Variants in DOCK2 observed in about 807,000 individuals in gnomAD.
DOCK2 encodes dedicator of cytokinesis 2, also known as dedicator of cytokinesis protein 2.
A neutral mutation model predicts 248.9 loss-of-function variants in DOCK2; 87 were observed. That is an observed-to-expected ratio of 0.35 (90% CI 0.29 to 0.42). The LOEUF is 0.42. Ranked by LOEUF, DOCK2 falls within the 10% of genes least tolerant of loss-of-function variation. The pLI is 1.00. For missense variants in DOCK2, 1,747 were observed against 2,300.2 expected, an observed-to-expected ratio of 0.76 and a Z score of 4.92; for synonymous variants, 805 against 821.6, an observed-to-expected ratio of 0.98 and a Z score of 0.35.
At chr5:169,883,489 T>C (rs1772788507) in intron 27 of DOCK2, 1 of 1,551,618 alleles carries the variant, frequency 6.4e-7, no homozygotes, top group East Asian at 2.4e-5. Context: ...TTCAGAGAGG[T>C]TACCGTTGAC....
chr5:169,838,751 G>C (rs1172605796), intron 26 of DOCK2, among the ~76,000 whole-genome samples: 2 of 152,138 alleles, frequency 1.3e-5, no homozygotes, highest in African/African-American at 2.4e-5. Flanking sequence ...TCTAACAAAA[G>C]CTCCAGTGGC....
At chr5:170,060,265 G>A (rs1371423943) in intron 44 of DOCK2, among the ~76,000 whole-genome samples, 2 of 152,118 alleles carry the variant, frequency 1.3e-5, no homozygotes, top group Non-Finnish European at 2.9e-5. Context: ...TGTTAGATAA[G>A]GACTGTATAT....
chr5:170,028,765 A>G lies in DOCK2; in HGVS notation c.3467+817A>G, dbSNP rs1000521773. Among the ~76,000 whole-genome samples the G allele has an allele frequency of 8.9e-4, 117 of 132,138 alleles. No individual in the cohort carries two copies. In the South Asian group the frequency reaches 0.012, roughly 13 times the overall value. The allele number at this position is 132,138 out of a possible 152,430, so 86.7% of individuals were successfully genotyped here. A position where few individuals can be genotyped will look rare whatever the true frequency, so the allele number is the denominator to read the frequency against. On this transcript the variant is annotated intron_variant, in intron 34 of 51. Coordinates refer to ENST00000520908, the MANE Select transcript of DOCK2 (RefSeq NM_004946.3). The stretch of plus-strand genomic sequence containing the variant: ...AACACACACACACACACACACACAC[A>G]CACGCGTGCGCACACACACCCAAAC...
intron 26 of DOCK2, among the ~76,000 whole-genome samples, chr5:169,824,548 G>T (rs981401312): frequency 3.3e-5 from 5 of 152,316 alleles, no homozygotes; most frequent in African/African-American, 1.2e-4. Flanking sequence ...AATAAATGGT[G>T]CTGGGAAAAC....
At chr5:170,018,773 G>A (rs1198182734) in intron 32 of DOCK2, among the ~76,000 whole-genome samples, 187 bp from the exon 33 acceptor site, 5 of 152,188 alleles carry the variant, frequency 3.3e-5, no homozygotes, top group Non-Finnish European at 7.3e-5. Flanking sequence ...TAATGCATGC[G>A]CTCTAACGGG....
chr5:169,865,521 G>C (rs572293504), intron 27 of DOCK2, among the ~76,000 whole-genome samples: 11 of 152,288 alleles, frequency 7.2e-5, no homozygotes, highest in African/African-American at 2.6e-4. Flanking sequence ...GCTGAGCACG[G>C]GTTCCCTCTG....
intron 27 of DOCK2, among the ~76,000 whole-genome samples, chr5:169,901,336 A>G (rs1022370448): frequency 6.6e-6 from 1 of 152,146 alleles, no homozygotes; most frequent in South Asian, 2.1e-4. Context: ...GTTAGGCAGG[A>G]GTGATGATAT....
chr5:170,068,984 TCAGTCTCTC>T (rs1757587845), intron 45 of DOCK2, among the ~76,000 whole-genome samples, 144 bp from the exon 46 acceptor site: 2 of 152,196 alleles, frequency 1.3e-5, no homozygotes, highest in African/African-American at 4.8e-5. Context: ...TAAAACAATG[TCAGTCTCTC>T]CAGACCTGTT....
chr5:169,857,707 C>A (rs1270947798), intron 27 of DOCK2, among the ~76,000 whole-genome samples: 2 of 148,606 alleles, frequency 1.3e-5, no homozygotes, highest in Non-Finnish European at 3.0e-5. Flanking sequence ...TTTGAGAAGA[C>A]TGGTTATTTG....
intron 23 of DOCK2, among the ~76,000 whole-genome samples, chr5:169,754,480 C>T (rs989741686): frequency 1.3e-5 from 2 of 152,156 alleles, no homozygotes; most frequent in African/African-American, 4.8e-5. Flanking sequence ...GTTGGCCATT[C>T]TTGCAACCCC....
intron 32 of DOCK2, among the ~76,000 whole-genome samples, chr5:170,009,821 C>T (rs775788354): frequency 6.6e-5 from 10 of 152,156 alleles, no homozygotes; most frequent in Non-Finnish European, 1.5e-4. Flanking sequence ...GATCAGTCTG[C>T]GTTCTGTGGT....
At chr5:169,932,081 A>C (rs1775781183) in intron 27 of DOCK2, among the ~76,000 whole-genome samples, 1 of 152,206 alleles carries the variant, frequency 6.6e-6, no homozygotes, top group South Asian at 2.1e-4. Context: ...GTAAACAAAG[A>C]AGATACAACA....
rs550065696 is a variant in DOCK2 at position 169,870,756 on chromosome 5, C to T, written c.2799+29904C>T. Among the ~76,000 whole-genome samples, 80 of 151,998 alleles carry T rather than the reference C, an allele frequency of 5.3e-4. 1 individual carries two copies. Among genetic ancestry groups the T allele is most frequent in the African/African-American group, 1.9e-3 (78 of 41,474 alleles). ...GTTTTTATTTTATCCTCATGATAGCCCAGGAAGATAGGAAGGTTGTTGCCC... is the reference window on the plus strand; with the variant it reads ...GTTTTTATTTTATCCTCATGATAGCTCAGGAAGATAGGAAGGTTGTTGCCC... On this transcript the variant is annotated intron_variant, in intron 27 of 51. Transcript: ENST00000520908.
chr5:169,667,758 C>CA (rs1349101706), intron 2 of DOCK2, among the ~76,000 whole-genome samples: 1 of 152,068 alleles, frequency 6.6e-6, no homozygotes, highest in African/African-American at 2.4e-5. Flanking sequence ...TAAGACAAAA[C>CA]AAAAAATGTC....
chr5:169,747,523 A>G lies in DOCK2; in HGVS notation c.2376+19A>G. On this transcript the variant is annotated intron_variant, in intron 23 of 51. Coordinates refer to ENST00000520908, the MANE Select transcript of DOCK2 (RefSeq NM_004946.3). ...TTTGCAGGTTGGTTTATGCTACAAT[A>G]AAATCTATCTTCTCCTTGGCCATCC... 1 of 1,593,428 alleles carries G rather than the reference A, an allele frequency of 6.3e-7. No homozygotes were observed. Among genetic ancestry groups the G allele is most frequent in the Middle Eastern group, 1.7e-4 (1 of 5,982 alleles).
chr5:169,834,425 C>T (rs371475134), intron 26 of DOCK2, among the ~76,000 whole-genome samples: 30 of 2,718 alleles, frequency 0.011, no homozygotes, highest in Admixed American at 0.021. Flanking sequence ...ACAAGCCCTA[C>T]TCACATGCTC....
At chr5:169,926,924 G>T (rs375492940) in intron 27 of DOCK2, among the ~76,000 whole-genome samples, 1 of 152,218 alleles carries the variant, frequency 6.6e-6, no homozygotes, top group Non-Finnish European at 1.5e-5. Context: ...ACAAGGAGCA[G>T]AATAGGGAAG....
At chr5:169,837,590 A>T (rs1769672379) in intron 26 of DOCK2, among the ~76,000 whole-genome samples, 1 of 151,928 alleles carries the variant, frequency 6.6e-6, no homozygotes, top group Non-Finnish European at 1.5e-5. Flanking sequence ...CTATATACCA[A>T]CCCCCAGTAT....
At chr5:169,834,655 A>G (rs530122835) in intron 26 of DOCK2, among the ~76,000 whole-genome samples, 52 of 148,610 alleles carry the variant, frequency 3.5e-4, no homozygotes, top group South Asian at 1.1e-3. Flanking sequence ...CTCACAGACC[A>G]CAAGTCCTAC....
Sources: allele counts gnomAD v4.1 joint callset (sites outside exome capture counted in the v4.1 genomes callset), GRCh38; gene constraint gnomAD v4.1.1; transcripts MANE v1.5; gene names NCBI Gene and HGNC (gene_info 2026-07-23, HGNC 2026-07-21).